The following TNFRSF10C variants were observed in gnomAD, a reference collection of about 807,000 sequenced individuals.
TNFRSF10C encodes TNF receptor superfamily member 10c, also known as tumor necrosis factor receptor superfamily member 10C.
A neutral mutation model predicts 16.7 loss-of-function variants in TNFRSF10C; 17 were observed. That is an observed-to-expected ratio of 1.02 (90% confidence interval 0.70 to 1.53). The LOEUF (loss-of-function observed/expected upper bound fraction) is 1.53, where lower values mean the gene tolerates loss of function less well. TNFRSF10C is among the 40% of genes most tolerant of loss of function. The pLI is 0.00. For missense variants in TNFRSF10C, 237 were observed against 329.7 expected (o/e 0.72, Z 2.18); for synonymous variants, 73 against 119.7 (o/e 0.61, Z 2.55).
At chr8:23,106,047 C>T (rs1484724293) in intron 1 of TNFRSF10C, among the ~76,000 whole-genome samples, 3 of 152,130 alleles carry the variant, frequency 2.0e-5, no homozygotes, top group Admixed American at 1.3e-4. Flanking sequence ...CACAACTGCG[C>T]GCACTTCATA....
rs780085879 is a variant in TNFRSF10C at position 23,117,097 on chromosome 8, G to T, written c.*66G>T. On this transcript the variant is annotated 3_prime_UTR_variant, in exon 5 of 5. Transcript: ENST00000356864. ...GTTCAGGTAGGCGCTGGCTGAGGGC[G>T]GGGGGCGCTGGACACTCTCTGCCCT... 1.2e-5 allele frequency: 19 copies of T among 1,569,958 alleles called. No individual in the cohort carries two copies. Among genetic ancestry groups the T allele is most frequent in the Non-Finnish European group, 1.6e-5 (18 of 1,160,972 alleles).
At chr8:23,103,504 T>G in intron 1 of TNFRSF10C, 1 of 462,290 alleles carries the variant, frequency 2.2e-6, no homozygotes, top group Non-Finnish European at 3.9e-6. Flanking sequence ...CGGTTGCCTC[T>G]CTCATTAATT....
chr8:23,115,173 T>G (rs1246324746), intron 3 of TNFRSF10C, among the ~76,000 whole-genome samples: 1 of 134,634 alleles, frequency 7.4e-6, no homozygotes, highest in Non-Finnish European at 1.8e-5. Context: ...GGCCCAGGCT[T>G]TGGGGAAGTC....
chr8:23,108,863 G>C (rs185317419), intron 1 of TNFRSF10C, among the ~76,000 whole-genome samples: 4 of 151,972 alleles, frequency 2.6e-5, no homozygotes, highest in African/African-American at 9.7e-5. Context: ...GATAGACCAG[G>C]TTCTGGGCTA....
At chr8:23,116,539 A>C in intron 4 of TNFRSF10C, 102 bp from the exon 5 acceptor site, 2 of 1,474,344 alleles carry the variant, frequency 1.4e-6, no homozygotes, top group South Asian at 2.7e-5. Flanking sequence ...CCTTCCCCTG[A>C]CACCTTCTCA....
intron 1 of TNFRSF10C, among the ~76,000 whole-genome samples, chr8:23,109,616 G>C (rs1171771297): frequency 6.9e-6 from 1 of 145,304 alleles, no homozygotes; most frequent in East Asian, 2.0e-4. Context: ...CGGCCTGGGA[G>C]ACAGCGAGAC....
chr8:23,106,683 C>T (rs1427944114), intron 1 of TNFRSF10C, among the ~76,000 whole-genome samples: 1 of 152,152 alleles, frequency 6.6e-6, no homozygotes, highest in Non-Finnish European at 1.5e-5. Context: ...GACTTCTCAT[C>T]CTTAAAAATA....
rs56263402 is a variant in TNFRSF10C at position 23,110,069 on chromosome 8, C to CAAAAAA, written c.61-1630_61-1625dup. On this transcript the variant is annotated intron_variant, in intron 1 of 4. Transcript: ENST00000356864. ...GGAGGACAGAGGGAGACCCTGTCTC[C>CAAAAAA]AAAAAAAAAAAAAAAAAAAAAAAAA... 6.5e-3 allele frequency among the ~76,000 whole-genome samples: 256 copies of CAAAAAA among 39,640 alleles called. 42 individuals carry two copies. Among genetic ancestry groups the CAAAAAA allele is most frequent in the African/African-American group, 0.03 (236 of 7,866 alleles). 26.0% of individuals were successfully genotyped at this position (39,640 alleles called of 152,430 possible). A position where few individuals can be genotyped will look rare whatever the true frequency, so the allele number is the denominator to read the frequency against.
At position 23,111,699 on chromosome 8, in the gene TNFRSF10C, A is replaced by G. The variant is rs752403697; in HGVS notation, c.61-21A>G. On this transcript the variant is annotated intron_variant, in intron 1 of 4. Coordinates refer to ENST00000356864, the MANE Select transcript of TNFRSF10C (RefSeq NM_003841.5). Reference sequence around the variant, plus strand: ...TGAGGTCTGGAAGTCACTCACACCCATCACTCCTTTGTCCCCACAGGTCCT... The same window carrying G: ...TGAGGTCTGGAAGTCACTCACACCCGTCACTCCTTTGTCCCCACAGGTCCT... 9 of 1,603,644 alleles carry G rather than the reference A, an allele frequency of 5.6e-6. No individual in the cohort carries two copies. In the East Asian group the frequency reaches 2.0e-4, roughly 36 times the overall value.
intron 3 of TNFRSF10C, 90 bp from the exon 4 acceptor site, chr8:23,115,418 G>A (rs1813961363): frequency 1.8e-6 from 2 of 1,120,018 alleles, no homozygotes; most frequent in Admixed American, 2.0e-5. Flanking sequence ...GGTGAACTTG[G>A]TTGAGCTGAG....
intron 3 of TNFRSF10C, 135 bp downstream of exon 3, chr8:23,114,905 G>T: frequency 3.0e-6 from 2 of 677,444 alleles, no homozygotes. Flanking sequence ...TTATATATTT[G>T]ACTGATTAAA....
chr8:23,105,553 C>T (rs1813759636), intron 1 of TNFRSF10C, among the ~76,000 whole-genome samples: 1 of 152,238 alleles, frequency 6.6e-6, no homozygotes, highest in Non-Finnish European at 1.5e-5. Flanking sequence ...ACCTGCCATG[C>T]TTCCAGTTGT....
At chr8:23,103,291 G>T in intron 1 of TNFRSF10C, 110 bp downstream of exon 1, 1 of 1,524,210 alleles carries the variant, frequency 6.6e-7, no homozygotes, top group Non-Finnish European at 8.9e-7. Flanking sequence ...CTGCGGCCGG[G>T]CATGTCCGGG....
chr8:23,103,405 C>A (rs1348506768), intron 1 of TNFRSF10C: 2 of 743,524 alleles, frequency 2.7e-6, no homozygotes, highest in Non-Finnish European at 4.4e-6. Context: ...CTGGCTGCCC[C>A]GAGCCCGCGA....
chr8:23,110,069 C>CAAAAAAAA (rs56263402), intron 1 of TNFRSF10C, among the ~76,000 whole-genome samples: 869 of 39,588 alleles, frequency 0.022, 154 homozygotes, highest in East Asian at 0.15. Context: ...ACCCTGTCTC[C>CAAAAAAAA]AAAAAAAAAA....
At chr8:23,104,380 A>G (rs1412404970) in intron 1 of TNFRSF10C, among the ~76,000 whole-genome samples, 1 of 152,218 alleles carries the variant, frequency 6.6e-6, no homozygotes. Flanking sequence ...AAACAAGGGT[A>G]TTGTATTTTA....
At chr8:23,110,926 T>C (rs1311953112) in intron 1 of TNFRSF10C, among the ~76,000 whole-genome samples, 1 of 152,192 alleles carries the variant, frequency 6.6e-6, no homozygotes, top group African/African-American at 2.4e-5. Context: ...CATATGTGTG[T>C]GGTTTTTTAA....
intron 2 of TNFRSF10C, among the ~76,000 whole-genome samples, chr8:23,113,231 C>A (rs553676578): frequency 6.6e-6 from 1 of 152,052 alleles, no homozygotes; most frequent in East Asian, 1.9e-4. Flanking sequence ...TGAATATTGA[C>A]CCTCATTCTG....
chr8:23,111,561 A>C (rs927898677), intron 1 of TNFRSF10C, among the ~76,000 whole-genome samples, 159 bp from the exon 2 acceptor site: 2 of 151,906 alleles, frequency 1.3e-5, no homozygotes, highest in South Asian at 4.1e-4. Context: ...TAACAGGCCA[A>C]GGGACAAACA....
Sources: allele counts gnomAD v4.1 joint callset (sites outside exome capture counted in the v4.1 genomes callset), GRCh38; gene constraint gnomAD v4.1.1; transcripts MANE v1.5; gene names NCBI Gene and HGNC (gene_info 2026-07-23, HGNC 2026-07-21).